The following AIG1 variants were observed in gnomAD, a reference collection of about 807,000 sequenced individuals.
AIG1 encodes androgen induced 1.
Under a neutral mutation model 31.4 loss-of-function variants are expected in AIG1, and 23 were observed. The observed-to-expected ratio is 0.73, with a 90% CI of 0.53 to 1.04. AIG1 has a LOEUF of 1.04. AIG1 is among the 50% of genes least tolerant of loss of function. AIG1 has a pLI of 0.00. For missense variants in AIG1, 274 were observed against 295.0 expected (o/e 0.93, Z 0.52); for synonymous variants, 100 against 110.5 (o/e 0.90, Z 0.60).
chr6:143,237,497 T>C (rs1322388078), intron 3 of AIG1, among the ~76,000 whole-genome samples: 1 of 152,198 alleles, frequency 6.6e-6, no homozygotes, highest in African/African-American at 2.4e-5. Flanking sequence ...AACTAATATA[T>C]GATAAACTCA....
At chr6:143,337,538 C>G (rs1399947121) in intron 5 of AIG1, among the ~76,000 whole-genome samples, 2 of 152,154 alleles carry the variant, frequency 1.3e-5, no homozygotes, top group Non-Finnish European at 2.9e-5. Flanking sequence ...TTTACTTAAG[C>G]TAAGACTTTA....
At chr6:143,290,952 G>A (rs1188088451) in intron 4 of AIG1, among the ~76,000 whole-genome samples, 2 of 152,126 alleles carry the variant, frequency 1.3e-5, no homozygotes, top group Non-Finnish European at 1.5e-5. Context: ...CCCAAGATGG[G>A]GAAGAGGGAC....
chr6:143,226,985 C>CTTTTTTTTT (rs11431811), intron 3 of AIG1, among the ~76,000 whole-genome samples: 13 of 113,578 alleles, frequency 1.1e-4, no homozygotes, highest in East Asian at 2.6e-4. Context: ...GAGTTTTTGT[C>CTTTTTTTTT]TTTTTTTTTT....
chr6:143,196,103 G>C (rs1234545071), intron 3 of AIG1, among the ~76,000 whole-genome samples: 1 of 152,154 alleles, frequency 6.6e-6, no homozygotes, highest in Non-Finnish European at 1.5e-5. Flanking sequence ...CTTTTTCCCA[G>C]CTTCATGATA....
intron 1 of AIG1, among the ~76,000 whole-genome samples, chr6:143,124,826 C>A (rs1167176984): frequency 6.6e-6 from 1 of 152,120 alleles, no homozygotes; most frequent in East Asian, 1.9e-4. Context: ...GAGACTCACT[C>A]ACTATCACAA....
chr6:143,079,233 A>T (rs930897245), intron 1 of AIG1, among the ~76,000 whole-genome samples: 1 of 152,138 alleles, frequency 6.6e-6, no homozygotes, highest in Non-Finnish European at 1.5e-5. Flanking sequence ...GGAAAAAAAA[A>T]GAGGGAATCA....
intron 1 of AIG1, among the ~76,000 whole-genome samples, chr6:143,124,920 A>T (rs955111287): frequency 1.3e-4 from 20 of 152,128 alleles, no homozygotes; most frequent in African/African-American, 4.8e-4. Flanking sequence ...GGGGATTACA[A>T]TTCAAGGTGA....
chr6:143,239,975 A>G (rs1794120239), intron 3 of AIG1, among the ~76,000 whole-genome samples: 1 of 152,274 alleles, frequency 6.6e-6, no homozygotes, highest in Non-Finnish European at 1.5e-5. Context: ...GGTTCCAGGT[A>G]GAATTTCACT....
chr6:143,304,621 A>G lies in AIG1; in HGVS notation c.515+20396A>G, dbSNP rs1381653440. On this transcript the variant is annotated intron_variant, in intron 4 of 5. Coordinates refer to ENST00000357847, the MANE Select transcript of AIG1 (RefSeq NM_016108.4). The stretch of plus-strand genomic sequence containing the variant: ...AGCTTTTTGATGTGCTGCTGGATTC[A>G]GTTTGCCAGTATTTTATTGAGGATT... Among the ~76,000 whole-genome samples the G allele has an allele frequency of 2.6e-5, 4 of 151,926 alleles. No individual in the cohort carries two copies. The South Asian group carries it at 8.3e-4, about 31-fold the overall frequency.
intron 1 of AIG1, among the ~76,000 whole-genome samples, chr6:143,075,070 A>G (rs1777611167): frequency 6.6e-6 from 1 of 152,212 alleles, no homozygotes; most frequent in South Asian, 2.1e-4. Context: ...TCTTTCAAAT[A>G]ATTGGTCAAT....
At chr6:143,163,105 G>T (rs775741458) in intron 2 of AIG1, among the ~76,000 whole-genome samples, 1 of 152,188 alleles carries the variant, frequency 6.6e-6, no homozygotes, top group East Asian at 1.9e-4. Flanking sequence ...GGTGACATGA[G>T]TGCTGCCGAC....
chr6:143,216,440 G>A (rs1792036557), intron 3 of AIG1, among the ~76,000 whole-genome samples: 1 of 152,178 alleles, frequency 6.6e-6, no homozygotes, highest in Non-Finnish European at 1.5e-5. Flanking sequence ...CTCCTAAAAT[G>A]TGTTTGAATT....
intron 3 of AIG1, among the ~76,000 whole-genome samples, chr6:143,263,854 G>C (rs1461166153): frequency 6.6e-6 from 1 of 152,122 alleles, no homozygotes; most frequent in Non-Finnish European, 1.5e-5. Context: ...ACTGTAAGTA[G>C]GGCTAGGGAA....
At chr6:143,295,328 T>TTATA (rs894130023) in intron 4 of AIG1, among the ~76,000 whole-genome samples, 4 of 152,176 alleles carry the variant, frequency 2.6e-5, no homozygotes, top group African/African-American at 9.7e-5. Flanking sequence ...AGAGTAATCT[T>TTATA]TTATAAACAA....
intron 1 of AIG1, among the ~76,000 whole-genome samples, chr6:143,111,711 T>G (rs1055237546): frequency 6.6e-6 from 1 of 152,194 alleles, no homozygotes; most frequent in Admixed American, 6.5e-5. Flanking sequence ...ACAGGAAACA[T>G]CTTAACATGT....
chr6:143,187,015 A>T (rs983783462), intron 3 of AIG1, among the ~76,000 whole-genome samples: 2 of 152,216 alleles, frequency 1.3e-5, no homozygotes, highest in Non-Finnish European at 2.9e-5. Context: ...AAGCCTCCCT[A>T]GAGCTAATGA....
intron 4 of AIG1, among the ~76,000 whole-genome samples, chr6:143,319,428 C>T (rs375549635): frequency 2.2e-4 from 34 of 152,114 alleles, no homozygotes; most frequent in Middle Eastern, 3.4e-3. Context: ...TAAGCTATGA[C>T]GACACAAAGG....
At chr6:143,251,855 T>G (rs1189824507) in intron 3 of AIG1, among the ~76,000 whole-genome samples, 1 of 152,230 alleles carries the variant, frequency 6.6e-6, no homozygotes, top group African/African-American at 2.4e-5. Context: ...TTGCTTTAAA[T>G]GAAGCAAACT....
chr6:143,273,669 T>C (rs907084813), intron 3 of AIG1, among the ~76,000 whole-genome samples: 11 of 152,290 alleles, frequency 7.2e-5, no homozygotes, highest in Admixed American at 3.9e-4. Context: ...GCGAAAGGCA[T>C]GTCTTACATG....
Sources: gnomAD v4.1 joint callset for allele counts (sites outside exome capture counted in the v4.1 genomes callset) on GRCh38, gnomAD v4.1.1 for gene constraint, MANE v1.5 for transcripts, NCBI Gene and HGNC (gene_info 2026-07-23, HGNC 2026-07-21) for gene names.